PSMB3: variants seen among roughly 807,000 people sequenced by gnomAD.
PSMB3 encodes the protein proteasome 20S subunit beta 3.
PSMB3 carries 5 observed loss-of-function variants against 23.3 expected under a neutral mutation model. The ratio of observed to expected loss-of-function variants is 0.21; its 90% confidence interval spans 0.11 to 0.45. The LOEUF (loss-of-function observed/expected upper bound fraction) is 0.45. Among genes scored for constraint, PSMB3 ranks in the 20% least tolerant of loss-of-function variants. The probability of loss-of-function intolerance (pLI) is 0.99; values close to 1 mark genes in which losing one functional copy is unlikely to be tolerated. For missense variants in PSMB3, 192 were observed against 277.9 expected (o/e 0.69, Z 2.20); for synonymous variants, 85 against 99.8 (o/e 0.85, Z 0.88).
At chr17:38,753,476 T>A in intron 2 of PSMB3, 142 bp downstream of exon 2, 1 of 812,266 alleles carries the variant, frequency 1.2e-6, no homozygotes, top group Non-Finnish European at 1.9e-6. Flanking sequence ...AACATGTCCT[T>A]CCCTTTCTTT....
chr17:38,762,654 T>C (rs1225674554), intron 5 of PSMB3, 149 bp downstream of exon 5: 3 of 678,316 alleles, frequency 4.4e-6, no homozygotes, highest in Non-Finnish European at 7.5e-6. Context: ...CAAAAGTCCA[T>C]GCCTCCCTAT....
At chr17:38,757,956 C>T (rs73295111) in intron 3 of PSMB3, among the ~76,000 whole-genome samples, 15,876 of 151,288 alleles carry the variant, frequency 0.1, 2,807 homozygotes, top group African/African-American at 0.36. Flanking sequence ...GCCCAGCCAA[C>T]GAAAAAAAAA....
At position 38,762,332 on chromosome 17, in the gene PSMB3, C is replaced by G. The variant is rs901435370; in HGVS notation, c.475-79C>G. ...GGGGCCAGAGCTGGGAATCTTGAGC[C>G]TAGAAAAAAGAGAGTTAAGGGACCA... On this transcript the variant is annotated intron_variant, in intron 4 of 5. Coordinates refer to ENST00000619426, the MANE Select transcript of PSMB3 (RefSeq NM_002795.4). 4.1e-6 allele frequency: 5 copies of G among 1,224,058 alleles called. No individual in the cohort carries two copies. In the African/African-American group the frequency reaches 7.5e-5, roughly 18 times the overall value. The allele number at this position is 1,224,058 out of a possible 1,614,324, so 75.8% of individuals were successfully genotyped here.
chr17:38,761,343 C>T (rs1437319667), intron 4 of PSMB3, among the ~76,000 whole-genome samples: 5 of 117,354 alleles, frequency 4.3e-5, no homozygotes, highest in African/African-American at 7.8e-5. Context: ...AGCTAAACTC[C>T]GTCTCAAAAA....
intron 2 of PSMB3, among the ~76,000 whole-genome samples, chr17:38,754,196 G>A (rs1406018079): frequency 2.6e-5 from 4 of 152,122 alleles, no homozygotes; most frequent in Admixed American, 6.5e-5. Context: ...TCGGCTGGGC[G>A]CGGTGGCTCA....
intron 3 of PSMB3, 85 bp downstream of exon 3, chr17:38,756,075 T>C: frequency 9.0e-7 from 1 of 1,115,914 alleles, no homozygotes; most frequent in Non-Finnish European, 1.3e-6. Context: ...AGGACTCTCC[T>C]TGTTTTTCCA....
chr17:38,763,214 C>T (rs1241769887), intron 5 of PSMB3, among the ~76,000 whole-genome samples: 4 of 152,058 alleles, frequency 2.6e-5, no homozygotes, highest in South Asian at 4.2e-4. Flanking sequence ...ATTAGCCAGA[C>T]GTGGTGTCAC....
At chr17:38,759,089 A>T (rs527344271) in intron 3 of PSMB3, among the ~76,000 whole-genome samples, 1 of 152,338 alleles carries the variant, frequency 6.6e-6, no homozygotes, top group East Asian at 1.9e-4. Context: ...AATAAGACAT[A>T]TGGATAACGT....
rs372825605 is a variant in PSMB3 at position 38,752,775 on chromosome 17, C to T, written c.-52C>T. On this transcript the variant is annotated 5_prime_UTR_variant, in exon 1 of 6. Transcript: ENST00000619426. This position sits in a 1 kb window ranked among gnomAD's most constrained non-coding sequence, Gnocchi z 5.5. ...AGCGGTTGCGCAGTGAAGGCTAGAC[C>T]CGGTTTACTGGAATTGCTCTGGCGA... The T allele has an allele frequency of 3.3e-5, 54 of 1,612,944 alleles. No homozygotes were observed. In the African/African-American group the frequency reaches 4.7e-4, roughly 14 times the overall value.
Position 38,755,926 on chromosome 17 carries a change from G to A in PSMB3, c.232G>A (p.Glu78Lys), listed in dbSNP as rs1908178737. ...KFRLNLYELK[E>K]GRQIKPYTLM... is the part of the protein sequence containing the mutation. Reference sequence around the variant, plus strand: ...CCGGCTGAACCTGTATGAGTTGAAGGAAGGTCGGCAGATCAAACCTTATAC... The same window carrying A: ...CCGGCTGAACCTGTATGAGTTGAAGAAAGGTCGGCAGATCAAACCTTATAC... Residue 78 changes from glutamate to lysine, a missense_variant, in exon 3 of 6, where the codon GAA (glutamate) becomes AAA (lysine). Physicochemically the swap from Glu to Lys is moderately conservative, Grantham distance 56 (BLOSUM62 1). Transcript: ENST00000619426. 1 of 1,614,110 alleles carries A rather than the reference G, an allele frequency of 6.2e-7. No homozygotes were observed. The highest frequency in any genetic ancestry group is 8.5e-7 in the Non-Finnish European group (1 of 1,180,028).
chr17:38,756,967 A>C (rs2143226913), intron 3 of PSMB3, among the ~76,000 whole-genome samples: 1 of 147,406 alleles, frequency 6.8e-6, no homozygotes, highest in East Asian at 2.0e-4. Context: ...TCCCGGGTCC[A>C]AGTGATTTTC....
chr17:38,755,674 ATATATATATGTGTGTGTGTGTGTG>A (rs1908151285), intron 2 of PSMB3, among the ~76,000 whole-genome samples, 185 bp from the exon 3 acceptor site: 1 of 91,288 alleles, frequency 1.1e-5, no homozygotes, highest in Admixed American at 1.2e-4. Context: ...ATATATATAT[ATATATATATGTGTGTGTGTGTGTG>A]TGTGTGTGTG....
Position 38,753,294 on chromosome 17 carries a change from T to C in PSMB3, c.148T>C (p.Tyr50His), listed in dbSNP as rs1387360366. 1 of 1,614,148 alleles carries C rather than the reference T, an allele frequency of 6.2e-7. No individual in the cohort carries two copies. The highest frequency in any genetic ancestry group is 1.1e-5 in the South Asian group (1 of 91,088). ...QKIFPMGDRL[Y>H]IGLAGLATDV... Reference sequence around the variant, plus strand: ...GATCTTTCCCATGGGTGACCGGCTGTACATCGGTCTGGCCGGGCTCGCCAC... The same window carrying C: ...GATCTTTCCCATGGGTGACCGGCTGCACATCGGTCTGGCCGGGCTCGCCAC... Residue 50 changes from tyrosine (Y) to histidine (H), a missense_variant, in exon 2 of 6, where the codon TAC (tyrosine) becomes CAC (histidine). Coordinates refer to ENST00000619426, the MANE Select transcript of PSMB3 (RefSeq NM_002795.4).
At chr17:38,754,912 T>C (rs1002759590) in intron 2 of PSMB3, among the ~76,000 whole-genome samples, 1 of 152,170 alleles carries the variant, frequency 6.6e-6, no homozygotes, top group African/African-American at 2.4e-5. Flanking sequence ...CTGTGACCTT[T>C]TTTCCTTTTT....
intron 3 of PSMB3, among the ~76,000 whole-genome samples, chr17:38,758,174 T>C (rs1908288697): frequency 6.6e-6 from 1 of 152,076 alleles, no homozygotes; most frequent in Non-Finnish European, 1.5e-5. Flanking sequence ...AGGTTTGCAG[T>C]TCAATGCCTC....
intron 2 of PSMB3, 129 bp from the exon 3 acceptor site, chr17:38,755,754 T>G: frequency 1.5e-6 from 1 of 648,892 alleles, no homozygotes; most frequent in Non-Finnish European, 2.7e-6. Flanking sequence ...TCCTAACACA[T>G]GTAAGACTAC....
At chr17:38,755,795 T>C in intron 2 of PSMB3, 88 bp from the exon 3 acceptor site, 1 of 1,114,228 alleles carries the variant, frequency 9.0e-7, no homozygotes, top group Admixed American at 2.0e-5. Context: ...TGAGATGAGA[T>C]GTCTCCTTAT....
intron 1 of PSMB3, 32 bp from the exon 2 acceptor site, chr17:38,753,118 C>T (rs1370427996): frequency 1.9e-6 from 3 of 1,576,662 alleles, no homozygotes; most frequent in Admixed American, 3.7e-5. Flanking sequence ...GTTTGACCCC[C>T]CGCGCTGACC....
intron 2 of PSMB3, among the ~76,000 whole-genome samples, chr17:38,754,055 A>C (rs892533191): frequency 1.4e-5 from 2 of 148,112 alleles, no homozygotes; most frequent in Non-Finnish European, 3.0e-5. Flanking sequence ...AGGAGGGAAT[A>C]CGTGGTCACA....
Sources: gnomAD v4.1 joint callset for allele counts (sites outside exome capture counted in the v4.1 genomes callset) on GRCh38, gnomAD v4.1.1 for gene constraint, Gnocchi (gnomAD v3.1) non-coding constraint, MANE v1.5 for transcripts, NCBI Gene and HGNC (gene_info 2026-07-23, HGNC 2026-07-21) for gene names.